The following ARB2A variants were observed in gnomAD, a reference collection of about 807,000 sequenced individuals.
ARB2A encodes the protein cotranscriptional regulator ARB2A.
At chr5:93,983,366 G>A in the ARB2A span, among the ~76,000 whole-genome samples, 3 of 152,078 alleles carry the variant, frequency 2.0e-5, no homozygotes, top group Non-Finnish European at 2.9e-5. Context: ...CTGAAAGAGT[G>A]GCTTATACAT....
chr5:93,783,198 C>T, the ARB2A span, among the ~76,000 whole-genome samples: 2 of 152,096 alleles, frequency 1.3e-5, no homozygotes, highest in Admixed American at 6.5e-5. Flanking sequence ...GGAAAAGTTA[C>T]TAACAGCTCA....
At chr5:93,655,097 T>C in the ARB2A span, among the ~76,000 whole-genome samples, 1 of 152,198 alleles carries the variant, frequency 6.6e-6, no homozygotes, top group Non-Finnish European at 1.5e-5. Flanking sequence ...AAAATTGAGA[T>C]AATAATAGTA....
the ARB2A span, among the ~76,000 whole-genome samples, chr5:93,935,878 T>C: frequency 2.6e-5 from 4 of 152,166 alleles, no homozygotes; most frequent in African/African-American, 4.8e-5. Flanking sequence ...TTAGCTTTAA[T>C]ACGGCAGAAA....
At chr5:94,097,893 T>C in the ARB2A span, among the ~76,000 whole-genome samples, 2 of 120,862 alleles carry the variant, frequency 1.7e-5, no homozygotes, top group Non-Finnish European at 3.2e-5. Flanking sequence ...CGAACACAGA[T>C]CCCTCTGCCG....
chr5:93,629,016 C>G, the ARB2A span, among the ~76,000 whole-genome samples: 2 of 152,208 alleles, frequency 1.3e-5, no homozygotes, highest in African/African-American at 2.4e-5. Context: ...GCTTTTGACA[C>G]GCCTTCCTCA....
At chr5:93,762,557 G>C in the ARB2A span, among the ~76,000 whole-genome samples, 1 of 152,226 alleles carries the variant, frequency 6.6e-6, no homozygotes, top group African/African-American at 2.4e-5. Context: ...TATGTGAAAA[G>C]ACCAAATCTA....
the ARB2A span, chr5:93,734,021 C>A: frequency 6.6e-6 from 1 of 152,136 alleles, no homozygotes; most frequent in Non-Finnish European, 1.5e-5. Context: ...TACAGTATAT[C>A]TCTTTCAAAA....
At chr5:93,866,210 T>A in the ARB2A span, 1 of 985,380 alleles carries the variant, frequency 1.0e-6, no homozygotes, top group Non-Finnish European at 1.2e-6. Context: ...TGAGGGAATT[T>A]TTTCACTCTC....
the ARB2A span, among the ~76,000 whole-genome samples, chr5:93,916,266 T>C: frequency 6.6e-6 from 1 of 152,206 alleles, no homozygotes; most frequent in Admixed American, 6.5e-5. Flanking sequence ...ACCCGAAGAA[T>C]TTTATCAGGG....
At chr5:93,936,928 T>A in the ARB2A span, among the ~76,000 whole-genome samples, 2 of 151,764 alleles carry the variant, frequency 1.3e-5, no homozygotes, top group African/African-American at 4.8e-5. Flanking sequence ...ATACATTTTT[T>A]AAATTATAAA....
the ARB2A span, among the ~76,000 whole-genome samples, chr5:93,840,810 G>A: frequency 1.3e-5 from 2 of 152,138 alleles, no homozygotes; most frequent in Non-Finnish European, 2.9e-5. Context: ...CAGTGTGATT[G>A]CAAGCCAGTC....
the ARB2A span, among the ~76,000 whole-genome samples, chr5:94,071,727 G>T: frequency 6.6e-6 from 1 of 152,182 alleles, no homozygotes; most frequent in Non-Finnish European, 1.5e-5. Flanking sequence ...ATGCTGAGGA[G>T]GATGTAGAGA....
At chr5:93,755,799 G>C in the ARB2A span, among the ~76,000 whole-genome samples, 2 of 152,188 alleles carry the variant, frequency 1.3e-5, no homozygotes, top group Non-Finnish European at 2.9e-5. Context: ...GCAGCCAGAG[G>C]AGCAGGGGAT....
At chr5:93,819,158 C>A in the ARB2A span, among the ~76,000 whole-genome samples, 4 of 137,112 alleles carry the variant, frequency 2.9e-5, no homozygotes, top group Non-Finnish European at 6.1e-5. Flanking sequence ...TGCACTCCAG[C>A]CTGGGCGACA....
the ARB2A span, among the ~76,000 whole-genome samples, chr5:94,066,422 GCACACACACACACA>G: frequency 4.8e-4 from 63 of 132,518 alleles, no homozygotes; most frequent in African/African-American, 1.4e-3. Flanking sequence ...GCCAGACTAA[GCACACACACACACA>G]CACACACACA....
the ARB2A span, among the ~76,000 whole-genome samples, chr5:93,875,622 AGTT>A: frequency 6.6e-6 from 1 of 152,220 alleles, no homozygotes; most frequent in Non-Finnish European, 1.5e-5. Context: ...GGAAATAAAA[AGTT>A]ATTATTCACA....
At chr5:93,866,467 C>G in the ARB2A span, among the ~76,000 whole-genome samples, 2 of 152,104 alleles carry the variant, frequency 1.3e-5, no homozygotes, top group African/African-American at 4.8e-5. Context: ...AACCCACATA[C>G]ACGCAGCTGC....
At chr5:93,826,049 T>TA in the ARB2A span, among the ~76,000 whole-genome samples, 1 of 152,124 alleles carries the variant, frequency 6.6e-6, no homozygotes, top group Non-Finnish European at 1.5e-5. Context: ...TAAACCCAAA[T>TA]AAATGTATGT....
chr5:93,761,000 C>T, the ARB2A span, among the ~76,000 whole-genome samples: 1 of 152,332 alleles, frequency 6.6e-6, no homozygotes, highest in East Asian at 1.9e-4. Context: ...ACAATCTATA[C>T]ATCTGACAAA....
Sources: allele counts gnomAD v4.1 joint callset (sites outside exome capture counted in the v4.1 genomes callset), GRCh38; gene constraint gnomAD v4.1.1; transcripts MANE v1.5; gene names NCBI Gene and HGNC (gene_info 2026-07-23, HGNC 2026-07-21).